The following GABPB2 variants were observed in gnomAD, a reference collection of about 807,000 sequenced individuals.
The protein encoded by GABPB2 is GA-binding protein subunit beta-2.
Under a neutral mutation model 39.1 loss-of-function variants are expected in GABPB2, and 23 were observed. The ratio of observed to expected loss-of-function variants is 0.59; its 90% CI spans 0.42 to 0.83. The LOEUF is 0.83. Among genes scored for constraint, GABPB2 ranks in the 40% least tolerant of loss-of-function variants. The probability of loss-of-function intolerance (pLI) is 0.00; values close to 1 mark genes in which losing one functional copy is unlikely to be tolerated. For missense variants in GABPB2, 467 were observed against 541.1 expected, an observed-to-expected ratio of 0.86 and a Z score of 1.36; for synonymous variants, 184 against 199.3, an observed-to-expected ratio of 0.92 and a Z score of 0.65.
chr1:151,118,011 G>T lies in GABPB2; in HGVS notation c.1102G>T (p.Ala368Ser), dbSNP rs1681012602. 1 of 1,614,054 alleles carries T rather than the reference G, an allele frequency of 6.2e-7. No homozygotes were observed. Among genetic ancestry groups the T allele is most frequent in the Non-Finnish European group, 8.5e-7 (1 of 1,180,034 alleles). The change falls in exon 9 of 9, where the codon GCC (alanine) becomes TCC (serine). Residue 368 changes from alanine (A) to serine (S), a missense_variant. Ala to Ser is a moderately conservative substitution (Grantham distance 99). Coordinates refer to ENST00000368918, the MANE Select transcript of GABPB2 (RefSeq NM_144618.3). ...ACAACTCCAGGAGGCCAATCGAAGA[G>T]CCCAGGAATACCGACACCAGCTCCT... ...QQQLQEANRR[A>S]QEYRHQLLKK... is the part of the protein sequence containing the mutation.
intron 4 of GABPB2, among the ~76,000 whole-genome samples, 190 bp downstream of exon 4, chr1:151,093,576 A>G (rs1278550024): frequency 6.6e-6 from 1 of 150,528 alleles, no homozygotes; most frequent in African/African-American, 2.4e-5. Context: ...TTGTGTGTAT[A>G]TATGTATACG....
At position 151,117,961 on chromosome 1, in the gene GABPB2, G is replaced by T. The variant is rs1357900075; in HGVS notation, c.1052G>T (p.Gly351Val). The change falls in exon 9 of 9, where the codon GGC becomes GTC. Residue 351 changes from glycine to valine, a missense_variant. Coordinates refer to ENST00000368918, the MANE Select transcript of GABPB2 (RefSeq NM_144618.3). ...KTNSVEESKE[G>V]NERELLQQQL... is the part of the protein sequence containing the mutation. ...TGACATGGCTTACTTTTACAGGAAG[G>T]CAATGAAAGAGAGCTACTACAGCAA... 1 of 1,607,570 alleles carries T rather than the reference G, an allele frequency of 6.2e-7. No individual in the cohort carries two copies. Among genetic ancestry groups the T allele is most frequent in the South Asian group, 1.1e-5 (1 of 90,798 alleles).
chr1:151,110,626 A>G (rs1410658622), intron 7 of GABPB2, among the ~76,000 whole-genome samples: 2 of 151,870 alleles, frequency 1.3e-5, no homozygotes, highest in East Asian at 3.9e-4. Flanking sequence ...ACACCCAGCT[A>G]ATTTTTTACT....
At chr1:151,099,011 A>G (rs140556247) in intron 5 of GABPB2, among the ~76,000 whole-genome samples, 3,621 of 149,470 alleles carry the variant, frequency 0.024, 103 homozygotes, top group African/African-American at 0.073. Flanking sequence ...TTGAACCTGG[A>G]AGGCGGAGGT....
At chr1:151,082,065 A>C (rs1677753006) in intron 1 of GABPB2, among the ~76,000 whole-genome samples, 2 of 151,262 alleles carry the variant, frequency 1.3e-5, no homozygotes, top group South Asian at 4.2e-4. Context: ...GACAAGTGGT[A>C]ATTTCTTTTT....
chr1:151,084,141 G>A (rs908065764), intron 1 of GABPB2, among the ~76,000 whole-genome samples: 3 of 151,498 alleles, frequency 2.0e-5, no homozygotes, highest in Non-Finnish European at 4.4e-5. Flanking sequence ...CTTACTCCTG[G>A]GCTGAAACTG....
At chr1:151,109,298 T>TTATATATATATA (rs33932552) in intron 7 of GABPB2, among the ~76,000 whole-genome samples, 1 of 139,500 alleles carries the variant, frequency 7.2e-6, no homozygotes, top group African/African-American at 2.6e-5. Context: ...TTGTGGGGAT[T>TTATATATATATA]TATATATATA....
intron 1 of GABPB2, among the ~76,000 whole-genome samples, chr1:151,078,559 C>T (rs926242496): frequency 5.9e-5 from 9 of 151,838 alleles, no homozygotes; most frequent in African/African-American, 2.2e-4. Context: ...CGCCACTGCA[C>T]TCTAGCCTGG....
intron 6 of GABPB2, among the ~76,000 whole-genome samples, chr1:151,104,811 T>TTTCTTTCTTTCTTTCC (rs1177567681): frequency 7.3e-5 from 11 of 150,438 alleles, no homozygotes; most frequent in South Asian, 6.4e-4. Flanking sequence ...CTTTTCTTTC[T>TTTCTTTCTTTCTTTCC]TTCCTTTCTT....
At chr1:151,092,807 G>A (rs1678824913) in intron 3 of GABPB2, among the ~76,000 whole-genome samples, 1 of 152,080 alleles carries the variant, frequency 6.6e-6, no homozygotes, top group African/African-American at 2.4e-5. Flanking sequence ...GAACTCCTGA[G>A]CTCAAGCTTT....
At chr1:151,090,061 TCC>T (rs1199305461) in intron 2 of GABPB2, among the ~76,000 whole-genome samples, 1 of 151,924 alleles carries the variant, frequency 6.6e-6, no homozygotes, top group Non-Finnish European at 1.5e-5. Flanking sequence ...TGCCTCAGCC[TCC>T]TGAGTAGCTG....
At chr1:151,109,364 A>ATATAT (rs779537595) in intron 7 of GABPB2, among the ~76,000 whole-genome samples, 2 of 112,394 alleles carry the variant, frequency 1.8e-5, no homozygotes, top group African/African-American at 3.4e-5. Context: ...ATATATATAT[A>ATATAT]TTTTTTTTTT....
At chr1:151,104,971 C>T (rs769785594) in intron 6 of GABPB2, among the ~76,000 whole-genome samples, 1 of 151,790 alleles carries the variant, frequency 6.6e-6, no homozygotes, top group Non-Finnish European at 1.5e-5. Context: ...GTGGCATGAT[C>T]TCAGCTTACT....
intron 1 of GABPB2, among the ~76,000 whole-genome samples, chr1:151,086,454 C>T (rs1571911852): frequency 6.6e-6 from 1 of 152,090 alleles, no homozygotes; most frequent in South Asian, 2.1e-4. Context: ...TGCTAAGGCA[C>T]CAGCAGTTAT....
chr1:151,096,961 G>C (rs1193378335), intron 4 of GABPB2, among the ~76,000 whole-genome samples: 1 of 151,986 alleles, frequency 6.6e-6, no homozygotes, highest in Non-Finnish European at 1.5e-5. Context: ...GCCCAGGCTG[G>C]AGTATAATGA....
chr1:151,078,951 C>T lies in GABPB2; in HGVS notation c.-1+8017C>T, dbSNP rs139401907. On this transcript the variant is annotated intron_variant, in intron 1 of 8. Transcript: ENST00000368918. ...CCTCCCAAAGTGCTGGGATTACAGT[C>T]GTGAGCCACTGTGCCTGGCTACATT... 3.0e-3 allele frequency among the ~76,000 whole-genome samples: 457 copies of T among 152,010 alleles called. 17 individuals are homozygous for T. In the East Asian group the frequency reaches 0.08, roughly 27 times the overall value.
chr1:151,122,846 A>C lies in GABPB2; in HGVS notation c.*4590A>C, dbSNP rs1012081111. 6.6e-6 allele frequency: 1 copy of C among 152,040 alleles called. No individual in the cohort carries two copies. Among genetic ancestry groups the C allele is most frequent in the Non-Finnish European group, 1.5e-5 (1 of 68,020 alleles). The allele number at this position is 152,040 out of a possible 1,614,324, so 9.4% of individuals were successfully genotyped here. Reference sequence around the variant, plus strand: ...TGTTAGAGGAGAGGCTAGGGTAGAGAGGGAGAGAATGGAGGTATCTGAAAA... The same window carrying C: ...TGTTAGAGGAGAGGCTAGGGTAGAGCGGGAGAGAATGGAGGTATCTGAAAA... On this transcript the variant is annotated 3_prime_UTR_variant, in exon 9 of 9. Coordinates refer to ENST00000368918, the MANE Select transcript of GABPB2 (RefSeq NM_144618.3).
chr1:151,105,038 C>A (rs757650777), intron 6 of GABPB2, among the ~76,000 whole-genome samples: 2 of 151,892 alleles, frequency 1.3e-5, no homozygotes, highest in Non-Finnish European at 2.9e-5. Flanking sequence ...TCCCAAGTAG[C>A]TGGGATTACA....
At chr1:151,071,271 G>T (rs996372728) in intron 1 of GABPB2, among the ~76,000 whole-genome samples, 2 of 152,156 alleles carry the variant, frequency 1.3e-5, no homozygotes, top group African/African-American at 4.8e-5. Context: ...GCTGAGTTTG[G>T]CCCCCTGCCC....
Sources: allele counts gnomAD v4.1 joint callset (sites outside exome capture counted in the v4.1 genomes callset), GRCh38; gene constraint gnomAD v4.1.1; transcripts MANE v1.5; gene names NCBI Gene and HGNC (gene_info 2026-07-23, HGNC 2026-07-21).